The following BDP1 variants were observed in gnomAD, a reference collection of about 807,000 sequenced individuals.
BDP1 encodes transcription factor TFIIIB component B'' homolog.
A neutral mutation model predicts 266.6 loss-of-function variants in BDP1; 169 were observed. The observed-to-expected ratio is 0.63, with a 90% CI of 0.56 to 0.72. The LOEUF (loss-of-function observed/expected upper bound fraction) is 0.72, where lower values mean the gene tolerates loss of function less well. BDP1 is among the 30% of genes least tolerant of loss of function. BDP1 has a pLI of 0.00. For missense variants in BDP1, 3,015 were observed against 3,053.8 expected, an observed-to-expected ratio of 0.99 and a Z score of 0.30; for synonymous variants, 1,090 against 1,022.4, an observed-to-expected ratio of 1.07 and a Z score of -1.26.
chr5:71,493,030 C>T (rs1763683549), intron 11 of BDP1, among the ~76,000 whole-genome samples: 1 of 152,124 alleles, frequency 6.6e-6, no homozygotes, highest in African/African-American at 2.4e-5. Context: ...TAATCAGGAC[C>T]AGACTTGCTT....
In BDP1 at chr5:71,484,039, T is replaced by C. The variant is rs1580040629; in HGVS notation, c.1069+143T>C. 1.4e-5 allele frequency: 9 copies of C among 660,218 alleles called. No homozygotes were observed. The East Asian group carries it at 2.5e-4, about 18-fold the overall frequency. The allele number at this position is 660,218 out of a possible 1,614,324, so 40.9% of individuals were successfully genotyped here. ...GGAAGCAGTCTGAAATTTTTCTGTTTAGCAGTATGGGTCTGGCACTTGCTA... is the reference window on the plus strand; with the variant it reads ...GGAAGCAGTCTGAAATTTTTCTGTTCAGCAGTATGGGTCTGGCACTTGCTA... On this transcript the variant is annotated intron_variant, in intron 8 of 38. Coordinates refer to ENST00000358731, the MANE Select transcript of BDP1 (RefSeq NM_018429.3).
chr5:71,547,589 T>G (rs1166329999), intron 32 of BDP1, among the ~76,000 whole-genome samples: 1 of 152,226 alleles, frequency 6.6e-6, no homozygotes, highest in African/African-American at 2.4e-5. Flanking sequence ...CCCTGTAGTT[T>G]TAATATCCAC....
rs1762317070 is a variant in BDP1, at chr5:71,472,601, C to T, written c.1014+2112C>T. ...GTGTTGCTCTATTTTGCTACATTTT[C>T]TTGAGGATTTTTTTGCTACTTTGTT... is the stretch of plus-strand genomic sequence containing the variant. On this transcript the variant is annotated intron_variant, in intron 7 of 38. Coordinates refer to ENST00000358731, the MANE Select transcript of BDP1 (RefSeq NM_018429.3). Among the ~76,000 whole-genome samples the T allele has an allele frequency of 2.0e-5, 3 of 152,014 alleles. No individual in the cohort carries two copies. In the South Asian group the frequency reaches 6.2e-4, roughly 31 times the overall value.
chr5:71,462,243 G>C (rs1414716724), intron 3 of BDP1, among the ~76,000 whole-genome samples: 1 of 152,064 alleles, frequency 6.6e-6, no homozygotes, highest in African/African-American at 2.4e-5. Context: ...GATTACAGGC[G>C]TGAGCCACTG....
the BDP1 span, among the ~76,000 whole-genome samples, chr5:71,573,242 GAAAGA>G: frequency 8.7e-3 from 423 of 48,472 alleles, 4 homozygotes; most frequent in African/African-American, 0.025. Flanking sequence ...AAAAAAAAAA[GAAAGA>G]AAAGAAAAGA....
chr5:71,543,507 G>A (rs984959812), intron 30 of BDP1, among the ~76,000 whole-genome samples: 25 of 152,142 alleles, frequency 1.6e-4, no homozygotes, highest in African/African-American at 4.6e-4. Flanking sequence ...GTTTGAGCTC[G>A]CCAGATCAAG....
Position 71,562,354 on chromosome 5 carries a change from A to G in BDP1, c.7577A>G (p.His2526Arg), listed in dbSNP as rs1038743026. The change falls in exon 38 of 39, where the codon CAT becomes CGT. Residue 2526 changes from histidine (H) to arginine (R), a missense_variant. His to Arg is a conservative substitution (Grantham distance 29). Transcript: ENST00000358731. ...GAGTCTGATGAACCTATGCAAGTCC[A>G]TAGTAAGAAACGCCTAAAACCTCTT... ...SLESDEPMQV[H>R]SKKRLKPLIP... The G allele has an allele frequency of 1.7e-5, 28 of 1,613,642 alleles. No homozygotes were observed. The highest frequency in any genetic ancestry group is 2.3e-5 in the Non-Finnish European group (27 of 1,179,736).
chr5:71,527,512 T>C (rs1203023711), intron 25 of BDP1, among the ~76,000 whole-genome samples: 2 of 152,238 alleles, frequency 1.3e-5, no homozygotes, highest in African/African-American at 2.4e-5. Flanking sequence ...AGTGGAATCA[T>C]ACAGTATTTT....
intron 26 of BDP1, among the ~76,000 whole-genome samples, chr5:71,533,026 T>TA (rs1361030291): frequency 1.3e-5 from 2 of 152,238 alleles, no homozygotes; most frequent in Non-Finnish European, 2.9e-5. Context: ...CATGAAATTA[T>TA]AAAATCTGAT....
intron 20 of BDP1, among the ~76,000 whole-genome samples, chr5:71,515,537 A>T (rs1228385328): frequency 2.0e-5 from 3 of 152,164 alleles, no homozygotes; most frequent in Non-Finnish European, 4.4e-5. Flanking sequence ...AAAAATCTGA[A>T]ATCTGAAACA....
At position 71,495,366 on chromosome 5, in the gene BDP1, G is replaced by T. The variant is rs759570208; in HGVS notation, c.1757G>T (p.Ser586Ile). ...TGTGAGGTGAATAATGCTGAGGGTA[G>T]TTGTATAGAAGAAAGAAATGTTGAC... ...ALCEVNNAEG[S>I]CIEERNVDLK... The change falls in exon 12 of 39, where the codon AGT becomes ATT. Residue 586 changes from serine (S) to isoleucine (I), a missense_variant. Physicochemically the swap from Ser to Ile is moderately radical, Grantham distance 142 (BLOSUM62 -2). Transcript: ENST00000358731. 2 of 1,594,312 alleles carry T rather than the reference G, an allele frequency of 1.3e-6. No individual in the cohort carries two copies. The highest frequency in any genetic ancestry group is 2.3e-5 in the South Asian group (2 of 86,592).
intron 16 of BDP1, among the ~76,000 whole-genome samples, chr5:71,505,152 G>A (rs1047238792): frequency 2.6e-5 from 4 of 152,038 alleles, no homozygotes; most frequent in Non-Finnish European, 5.9e-5. Context: ...GATTACAGGT[G>A]CCTGCCACCA....
At position 71,531,685 on chromosome 5, in the gene BDP1, T is replaced by A. The variant is rs146711208; in HGVS notation, c.5773-623T>A. 1.7e-4 allele frequency among the ~76,000 whole-genome samples: 26 copies of A among 152,164 alleles called. No individual in the cohort carries two copies. In the East Asian group the frequency reaches 5.0e-3, roughly 29 times the overall value. ...CACCATGCCCGGCTAATTTTTGTATTTTTAGTAGAGATGGGGCTTCGCTGT... is the reference window on the plus strand; with the variant it reads ...CACCATGCCCGGCTAATTTTTGTATATTTAGTAGAGATGGGGCTTCGCTGT... On this transcript the variant is annotated intron_variant, in intron 25 of 38. Transcript: ENST00000358731.
intron 25 of BDP1, among the ~76,000 whole-genome samples, chr5:71,525,198 C>A (rs1765727897): frequency 6.6e-6 from 1 of 151,974 alleles, no homozygotes. Flanking sequence ...TACTCACTTC[C>A]CAGCAGGGGC....
chr5:71,551,618 C>T (rs547691770), intron 34 of BDP1, among the ~76,000 whole-genome samples: 13 of 152,330 alleles, frequency 8.5e-5, no homozygotes, highest in South Asian at 4.1e-4. Flanking sequence ...CTCAATGAGC[C>T]GCTGGGCACA....
intron 32 of BDP1, chr5:71,545,527 C>T (rs974592052): frequency 4.1e-5 from 13 of 316,568 alleles, no homozygotes; most frequent in Admixed American, 1.6e-4. Flanking sequence ...AGACGGGATT[C>T]GCCATATTGG....
intron 35 of BDP1, among the ~76,000 whole-genome samples, chr5:71,553,885 T>C (rs933531420): frequency 5.3e-5 from 8 of 152,228 alleles, no homozygotes; most frequent in Non-Finnish European, 1.0e-4. Flanking sequence ...TCATTTGATG[T>C]ACCTTCTGTG....
chr5:71,474,739 C>T (rs575552222), intron 7 of BDP1, among the ~76,000 whole-genome samples: 6 of 151,736 alleles, frequency 4.0e-5, no homozygotes, highest in African/African-American at 1.2e-4. Flanking sequence ...CCTAGCTACT[C>T]GGGAGGCTAA....
At chr5:71,538,948 G>T in intron 26 of BDP1, 94 bp from the exon 27 acceptor site, 1 of 810,430 alleles carries the variant, frequency 1.2e-6, no homozygotes, top group Non-Finnish European at 2.1e-6. Flanking sequence ...GTAGCTAAAA[G>T]TATGGAAAGA....
Sources: gnomAD v4.1 joint callset for allele counts (sites outside exome capture counted in the v4.1 genomes callset) on GRCh38, gnomAD v4.1.1 for gene constraint, MANE v1.5 for transcripts, NCBI Gene and HGNC (gene_info 2026-07-23, HGNC 2026-07-21) for gene names.